THSD4: variants seen among roughly 807,000 people sequenced by gnomAD.
THSD4 encodes thrombospondin type 1 domain containing 4, also known as thrombospondin type-1 domain-containing protein 4.
THSD4 carries 69 observed loss-of-function variants against 119.0 expected under a neutral mutation model. The ratio of observed to expected loss-of-function variants is 0.58; its 90% CI spans 0.48 to 0.71. The LOEUF (loss-of-function observed/expected upper bound fraction) is 0.71, where lower values mean the gene tolerates loss of function less well. Among genes scored for constraint, THSD4 ranks in the 30% least tolerant of loss-of-function variants. The pLI is 0.00. For missense variants in THSD4, 1,393 were observed against 1,391.1 expected (o/e 1.00, Z -0.02); for synonymous variants, 524 against 540.4 (o/e 0.97, Z 0.42).
chr15:71,331,169 C>A (rs1188104157), intron 6 of THSD4, among the ~76,000 whole-genome samples: 1 of 152,190 alleles, frequency 6.6e-6, no homozygotes, highest in African/African-American at 2.4e-5. Flanking sequence ...GTCTCCCCAG[C>A]CACCTAGGTA....
intron 3 of THSD4, among the ~76,000 whole-genome samples, chr15:71,208,285 T>C (rs1486620404): frequency 2.0e-5 from 3 of 152,126 alleles, no homozygotes; most frequent in Admixed American, 6.6e-5. Flanking sequence ...TATGCAAATG[T>C]CCCTGCCTAA....
intron 6 of THSD4, among the ~76,000 whole-genome samples, chr15:71,391,587 G>C (rs192460508): frequency 1.2e-3 from 178 of 152,318 alleles, no homozygotes; most frequent in African/African-American, 4.0e-3. Flanking sequence ...CACACACCTG[G>C]CTATATTTAT....
chr15:71,558,770 C>A lies in THSD4; in HGVS notation c.1153-101760C>A, dbSNP rs571674353. The stretch of plus-strand genomic sequence containing the variant: ...ACACACGTGAGCCACTGCCCCTGGC[C>A]TCAGTTTTAAATATTTTTAAAATTT... On this transcript the variant is annotated intron_variant, in intron 7 of 17. Transcript: ENST00000261862. Among the ~76,000 whole-genome samples, 15 of 152,282 alleles carry A rather than the reference C, an allele frequency of 9.9e-5. 2 individuals carry two copies. In the South Asian group the frequency reaches 2.9e-3, roughly 29 times the overall value.
At chr15:71,199,879 GGTGCATGTGTGGTATGTGTGTGT>G (rs2043781018) in intron 3 of THSD4, among the ~76,000 whole-genome samples, 1 of 49,352 alleles carries the variant, frequency 2.0e-5, no homozygotes, top group Admixed American at 2.9e-4. Context: ...GTGTGTGTGT[GGTGCATGTGTGGTATGTGTGTGT>G]GGTGCATGTG....
chr15:71,118,403 C>T (rs185261200), intron 1 of THSD4, among the ~76,000 whole-genome samples: 2 of 152,122 alleles, frequency 1.3e-5, no homozygotes, highest in Non-Finnish European at 2.9e-5. Context: ...GGCAGTGTAT[C>T]CCACCCAGCC....
At chr15:71,588,909 G>A (rs2140868461) in intron 7 of THSD4, among the ~76,000 whole-genome samples, 1 of 152,278 alleles carries the variant, frequency 6.6e-6, no homozygotes, top group Non-Finnish European at 1.5e-5. Flanking sequence ...GGGAGCATGG[G>A]GAGATCTGTC....
In THSD4 at chr15:71,583,169, A is replaced by C. The variant is rs188215494; in HGVS notation, c.1153-77361A>C. On this transcript the variant is annotated intron_variant, in intron 7 of 17. Coordinates refer to ENST00000261862, the MANE Select transcript of THSD4 (RefSeq NM_024817.3). The stretch of plus-strand genomic sequence containing the variant: ...TCTTAGTAGGTGGTATATGTTTCAG[A>C]ATTTATCCTTCCAAGTTATTCACCT... 3.0e-3 allele frequency among the ~76,000 whole-genome samples: 454 copies of C among 152,270 alleles called. 5 individuals are homozygous for C. Among genetic ancestry groups the C allele is most frequent in the Middle Eastern group, 6.8e-3 (2 of 294 alleles).
chr15:71,524,970 C>T (rs187885690), intron 7 of THSD4, among the ~76,000 whole-genome samples: 36 of 150,898 alleles, frequency 2.4e-4, no homozygotes, highest in African/African-American at 8.0e-4. Context: ...CTTGTCCATG[C>T]CTCAAAAGGG....
chr15:71,450,636 C>G (rs1266720216), intron 7 of THSD4, among the ~76,000 whole-genome samples: 11 of 152,170 alleles, frequency 7.2e-5, no homozygotes, highest in Non-Finnish European at 1.6e-4. Flanking sequence ...TAACTTTGCT[C>G]ATAACTCAGC....
chr15:71,376,853 A>T (rs546880996), intron 6 of THSD4, among the ~76,000 whole-genome samples: 190 of 152,346 alleles, frequency 1.2e-3, no homozygotes, highest in African/African-American at 4.1e-3. Context: ...GTAAGATCAG[A>T]TTTTGAGGGT....
intron 6 of THSD4, chr15:71,341,544 A>G (rs994862882): frequency 6.2e-7 from 1 of 1,610,124 alleles, no homozygotes; most frequent in Non-Finnish European, 8.5e-7. Context: ...AATGGTACAC[A>G]CTGTTTCTGT....
At chr15:71,254,071 G>GT (rs2044288042) in intron 5 of THSD4, among the ~76,000 whole-genome samples, 1 of 152,214 alleles carries the variant, frequency 6.6e-6, no homozygotes, top group Non-Finnish European at 1.5e-5. Context: ...TCCAGTTCTG[G>GT]TAACTGCCAC....
At chr15:71,388,661 A>AGTGTGTGTGTGT (rs748438115) in intron 6 of THSD4, among the ~76,000 whole-genome samples, 1 of 141,990 alleles carries the variant, frequency 7.0e-6, no homozygotes, top group African/African-American at 2.5e-5. Flanking sequence ...TTCTTTGGAG[A>AGTGTGTGTGTGT]GAGTGTGTGT....
At chr15:71,300,357 A>T (rs1467974495) in intron 6 of THSD4, among the ~76,000 whole-genome samples, 1 of 152,078 alleles carries the variant, frequency 6.6e-6, no homozygotes, top group Non-Finnish European at 1.5e-5. Context: ...GCAACCATTT[A>T]CAGAGCCCTC....
At chr15:71,236,484 C>T (rs7176212) in intron 4 of THSD4, among the ~76,000 whole-genome samples, 151,407 of 152,346 alleles carry the variant, frequency 0.99, 75,244 homozygotes, top group East Asian at 1. Flanking sequence ...GATGAGACTT[C>T]TGTTCCTACA....
chr15:71,574,106 G>A (rs1228619066), intron 7 of THSD4, among the ~76,000 whole-genome samples: 1 of 152,234 alleles, frequency 6.6e-6, no homozygotes, highest in Non-Finnish European at 1.5e-5. Flanking sequence ...TCAGTGCACA[G>A]TAGACAGTCA....
intron 7 of THSD4, among the ~76,000 whole-genome samples, chr15:71,542,772 G>A (rs1405160061): frequency 6.6e-6 from 1 of 151,904 alleles, no homozygotes; most frequent in African/African-American, 2.4e-5. Flanking sequence ...AGCTACTCGG[G>A]ACGCTGAGGC....
At position 71,411,923 on chromosome 15, in the gene THSD4, G is replaced by T. The variant is rs571567811; in HGVS notation, c.1152+100G>T. 2,512 of 1,505,254 alleles carry T rather than the reference G, an allele frequency of 1.7e-3. 54 individuals are homozygous for T. The South Asian group carries it at 0.029, about 18-fold the overall frequency. 93.2% of individuals were successfully genotyped at this position (1,505,254 alleles called of 1,614,324 possible). ...GAGACTAGGCTGCTAGCTCCCCCCAGCCCACGTCAGGGCCACTCAACCATG... is the reference window on the plus strand; with the variant it reads ...GAGACTAGGCTGCTAGCTCCCCCCATCCCACGTCAGGGCCACTCAACCATG... On this transcript the variant is annotated intron_variant, in intron 7 of 17. Transcript: ENST00000261862.
chr15:71,519,852 T>C (rs2048414453), intron 7 of THSD4, among the ~76,000 whole-genome samples: 1 of 152,050 alleles, frequency 6.6e-6, no homozygotes, highest in South Asian at 2.1e-4. Context: ...TTATCCTACC[T>C]CCAGGCCCTG....
Sources: allele counts gnomAD v4.1 joint callset (sites outside exome capture counted in the v4.1 genomes callset), GRCh38; gene constraint gnomAD v4.1.1; transcripts MANE v1.5; gene names NCBI Gene and HGNC (gene_info 2026-07-23, HGNC 2026-07-21).